PKD2: variants seen among roughly 807,000 people sequenced by gnomAD.
The protein encoded by PKD2 is polycystin-2.
PKD2 carries 48 observed loss-of-function variants against 105.9 expected under a neutral mutation model. The observed-to-expected ratio is 0.45, with a 90% CI of 0.36 to 0.58. The LOEUF is 0.58. Ranked by LOEUF, PKD2 falls within the 20% of genes least tolerant of loss-of-function variation. The pLI is 0.00. For synonymous variants in PKD2, 464 were observed against 481.1 expected, an observed-to-expected ratio of 0.96 and a Z score of 0.46; for missense variants, 1,078 against 1,255.3, an observed-to-expected ratio of 0.86 and a Z score of 2.13.
At chr4:88,042,330 C>G (rs1727595590) in intron 4 of PKD2, among the ~76,000 whole-genome samples, 1 of 152,200 alleles carries the variant, frequency 6.6e-6, no homozygotes, top group East Asian at 1.9e-4. Flanking sequence ...CTTATAAAAC[C>G]ATCAGATCTC....
chr4:88,023,060 G>A (rs529472811), intron 2 of PKD2, among the ~76,000 whole-genome samples: 1 of 151,830 alleles, frequency 6.6e-6, no homozygotes, highest in African/African-American at 2.4e-5. Flanking sequence ...CATCCAGCCT[G>A]GGCGACAGAG....
intron 13 of PKD2, among the ~76,000 whole-genome samples, chr4:88,072,893 C>A (rs965237938): frequency 6.6e-6 from 1 of 151,516 alleles, no homozygotes; most frequent in African/African-American, 2.4e-5. Flanking sequence ...GAAAAATTAA[C>A]TGGTGGGTTG....
rs372392851 is a variant in PKD2, at chr4:88,055,999, C to G, written c.1717-87C>G. On this transcript the variant is annotated intron_variant, in intron 7 of 14. Coordinates refer to ENST00000237596, the MANE Select transcript of PKD2 (RefSeq NM_000297.4). ...GTTGTAACCTGTCAGAATTTAATTT[C>G]TTTTCAGGATGAAATAATGTTTTAT... 16 of 914,252 alleles carry G rather than the reference C, an allele frequency of 1.8e-5. No individual in the cohort carries two copies. The African/African-American group carries it at 2.4e-4, about 14-fold the overall frequency. 56.6% of individuals were successfully genotyped at this position (914,252 alleles called of 1,614,324 possible).
chr4:88,057,436 C>CTTT (rs770879919), intron 8 of PKD2, among the ~76,000 whole-genome samples: 4 of 134,366 alleles, frequency 3.0e-5, no homozygotes, highest in South Asian at 2.4e-4. Context: ...ATTGTATTTT[C>CTTT]TTTTTTTTTT....
rs1333869590 is a variant in PKD2 at position 88,065,268 on chromosome 4, C to T, written c.2119-106C>T. ...ATCCAGCACGTACTTGTTGAATGGC[C>T]AATGTACACCAGGTTTGTAGTAGTT... On this transcript the variant is annotated intron_variant, in intron 10 of 14. Transcript: ENST00000237596. 5 of 952,662 alleles carry T rather than the reference C, an allele frequency of 5.2e-6. No homozygotes were observed. The African/African-American group carries it at 8.1e-5, about 15-fold the overall frequency. 59.0% of individuals were successfully genotyped at this position (952,662 alleles called of 1,614,324 possible).
At chr4:88,052,466 C>T (rs1423291459) in intron 7 of PKD2, among the ~76,000 whole-genome samples, 2 of 152,098 alleles carry the variant, frequency 1.3e-5, no homozygotes, top group African/African-American at 4.8e-5. Flanking sequence ...GACAAGGTCT[C>T]ATTATGTTGC....
chr4:88,070,629 A>AG (rs1720996459), intron 13 of PKD2, among the ~76,000 whole-genome samples: 97 of 87,448 alleles, frequency 1.1e-3, no homozygotes, highest in Non-Finnish European at 1.9e-3. Context: ...GAGAGAGAGA[A>AG]AGAGAGAGAG....
chr4:88,011,898 G>T (rs1332674559), intron 1 of PKD2, among the ~76,000 whole-genome samples: 1 of 119,376 alleles, frequency 8.4e-6, no homozygotes, highest in Admixed American at 8.8e-5. Context: ...TTCAATGGGG[G>T]GGGGGGGGAG....
rs1727305904 is a variant in PKD2 at position 88,035,662 on chromosome 4, A to C, written c.710-558A>C. Among the ~76,000 whole-genome samples the C allele has an allele frequency of 2.6e-5, 4 of 152,326 alleles. No homozygotes were observed. In the South Asian group the frequency reaches 8.3e-4, roughly 32 times the overall value. On this transcript the variant is annotated intron_variant, in intron 2 of 14. Transcript: ENST00000237596. ...TGGGGTAACAAACTCTGACCTCGGT[A>C]TCCCCAAAGGGCAAAGGATTCCAGG...
At chr4:88,025,691 T>C (rs1222938875) in intron 2 of PKD2, among the ~76,000 whole-genome samples, 1 of 152,158 alleles carries the variant, frequency 6.6e-6, no homozygotes, top group Non-Finnish European at 1.5e-5. Flanking sequence ...TGACTCTGTG[T>C]TGCCACCCAG....
intron 6 of PKD2, among the ~76,000 whole-genome samples, chr4:88,048,151 A>G (rs1327288932): frequency 1.3e-5 from 2 of 152,198 alleles, no homozygotes; most frequent in Non-Finnish European, 2.9e-5. Context: ...TGTACCATGT[A>G]TTATTCTATG....
chr4:88,036,192 C>T lies in PKD2; in HGVS notation c.710-28C>T, dbSNP rs766070359. On this transcript the variant is annotated intron_variant, in intron 2 of 14. Transcript: ENST00000237596. ...TGAATGTGTGCCGGTTCCCTTGGGG[C>T]GTTCATTTGGATCTTTCTGTGTTCC... 67 of 1,613,590 alleles carry T rather than the reference C, an allele frequency of 4.2e-5. No individual in the cohort carries two copies. In the East Asian group the frequency reaches 6.5e-4, roughly 16 times the overall value.
rs927707956 is a variant in PKD2, at chr4:88,047,461, C to T, written c.1548+591C>T. 5.9e-5 allele frequency among the ~76,000 whole-genome samples: 9 copies of T among 151,930 alleles called. No individual in the cohort carries two copies. The South Asian group carries it at 1.2e-3, about 21-fold the overall frequency. On this transcript the variant is annotated intron_variant, in intron 6 of 14. Transcript: ENST00000237596. ...CTGTAGTCTCAGCTATTCCAGAGGCCGAAGTGGGAGGATCATTTGAGCCCA... is the reference window on the plus strand; with the variant it reads ...CTGTAGTCTCAGCTATTCCAGAGGCTGAAGTGGGAGGATCATTTGAGCCCA...
In PKD2 at chr4:88,038,502, G is replaced by A. The variant is rs58606740; in HGVS notation, c.1094+1G>A. The A allele has an allele frequency of 1.9e-6, 3 of 1,613,668 alleles. No individual in the cohort carries two copies. Among genetic ancestry groups the A allele is most frequent in the Non-Finnish European group, 2.5e-6 (3 of 1,179,712 alleles). ...CCTTTGGGCCCCGAAATGGAACCGC[G>A]TAAGTGTCTGTGACTCATTGCCACT... On this transcript the variant is annotated splice_donor_variant, in intron 4 of 14. Transcript: ENST00000237596. LOFTEE classifies it high-confidence loss of function.
intron 5 of PKD2, among the ~76,000 whole-genome samples, chr4:88,046,394 G>C (rs984095022): frequency 6.6e-6 from 1 of 152,192 alleles, no homozygotes; most frequent in Non-Finnish European, 1.5e-5. Context: ...AAAGTGTAGG[G>C]AAGACTGAGC....
At chr4:88,065,608 T>TTC in intron 11 of PKD2, 113 bp downstream of exon 11, 1 of 1,187,662 alleles carries the variant, frequency 8.4e-7, no homozygotes, top group Non-Finnish European at 1.2e-6. Flanking sequence ...TTTTTTTTTT[T>TTC]CCAGAGGCAG....
rs1726266255 is a variant in PKD2 at position 88,008,345 on chromosome 4, C to T, written c.595+17C>T. On this transcript the variant is annotated intron_variant, in intron 1 of 14. Transcript: ENST00000237596. ...GGCTGCGAGGTAAGAGCGCGCGACC[C>T]GCAGCGGCAGATGCACGAACCAGAA... is the stretch of plus-strand genomic sequence containing the variant. The T allele has an allele frequency of 6.6e-7, 1 of 1,511,946 alleles. No individual in the cohort carries two copies. Among genetic ancestry groups the T allele is most frequent in the Middle Eastern group, 2.3e-4 (1 of 4,276 alleles). 93.7% of individuals were successfully genotyped at this position (1,511,946 alleles called of 1,614,324 possible). A position where few individuals can be genotyped will look rare whatever the true frequency, so the allele number is the denominator to read the frequency against.
intron 2 of PKD2, among the ~76,000 whole-genome samples, chr4:88,033,132 A>G (rs1467626107): frequency 1.3e-5 from 2 of 152,162 alleles, no homozygotes; most frequent in African/African-American, 4.8e-5. Context: ...TTGCTGATTA[A>G]ATATCTGTTA....
chr4:88,033,888 G>A (rs570485759), intron 2 of PKD2, among the ~76,000 whole-genome samples: 14 of 152,192 alleles, frequency 9.2e-5, no homozygotes, highest in Admixed American at 5.9e-4. Flanking sequence ...TTCTGTCCTC[G>A]ATTGGCTATA....
Sources: gnomAD v4.1 joint callset for allele counts (sites outside exome capture counted in the v4.1 genomes callset) on GRCh38, gnomAD v4.1.1 for gene constraint, MANE v1.5 for transcripts, NCBI Gene and HGNC (gene_info 2026-07-23, HGNC 2026-07-21) for gene names.